KIAA0825: variants seen among roughly 807,000 people sequenced by gnomAD.
KIAA0825 encodes KIAA0825.
In KIAA0825, 119 loss-of-function variants were observed where a neutral mutation model predicts 147.6. That is an observed-to-expected ratio of 0.81 (90% CI 0.69 to 0.94). The LOEUF (loss-of-function observed/expected upper bound fraction) is 0.94. Ranked by LOEUF, KIAA0825 falls within the 40% of genes least tolerant of loss-of-function variation. The pLI, the probability that KIAA0825 is intolerant of heterozygous loss-of-function variation, is 0.00. For missense variants in KIAA0825, 1,381 were observed against 1,472.7 expected, an observed-to-expected ratio of 0.94 and a Z score of 1.02; for synonymous variants, 470 against 518.1, an observed-to-expected ratio of 0.91 and a Z score of 1.26.
At chr5:94,290,396 G>T (rs1011328003) in intron 20 of KIAA0825, among the ~76,000 whole-genome samples, 1 of 152,072 alleles carries the variant, frequency 6.6e-6, no homozygotes, top group Non-Finnish European at 1.5e-5. Context: ...TTGGTTTTCT[G>T]TTCCTGTGTT....
In KIAA0825 at chr5:94,542,986, T is replaced by C. The variant is rs570853377; in HGVS notation, c.-1-5859A>G. 2.6e-5 allele frequency among the ~76,000 whole-genome samples: 4 copies of C among 152,216 alleles called. No homozygotes were observed. The South Asian group carries it at 8.3e-4, about 32-fold the overall frequency. On this transcript the variant is annotated intron_variant, in intron 2 of 20. Transcript: ENST00000682413. The stretch of plus-strand genomic sequence containing the variant: ...TTTGGAGAACTGGCCTCATACCTTG[T>C]CTACACAGTCTCTGCACACAGTGTT...
At chr5:94,431,036 C>T (rs944868707) in intron 14 of KIAA0825, among the ~76,000 whole-genome samples, 2 of 152,050 alleles carry the variant, frequency 1.3e-5, no homozygotes, top group African/African-American at 4.8e-5. Flanking sequence ...TGTATGCTTA[C>T]GTGGAAGGGG....
At chr5:94,538,082 G>C (rs1772455979) in intron 2 of KIAA0825, among the ~76,000 whole-genome samples, 1 of 152,140 alleles carries the variant, frequency 6.6e-6, no homozygotes, top group Non-Finnish European at 1.5e-5. Context: ...TGTAGAGGCT[G>C]GGATATAGCT....
intron 20 of KIAA0825, among the ~76,000 whole-genome samples, chr5:94,307,253 C>G (rs894951750): frequency 1.3e-5 from 2 of 151,622 alleles, no homozygotes; most frequent in Non-Finnish European, 3.0e-5. Flanking sequence ...TTTAAAGTAC[C>G]GTATTTTTCT....
intron 2 of KIAA0825, among the ~76,000 whole-genome samples, chr5:94,539,564 C>T (rs997965612): frequency 2.6e-5 from 4 of 152,076 alleles, no homozygotes; most frequent in African/African-American, 7.2e-5. Context: ...AGGGATGATA[C>T]TGAAGAAACC....
intron 5 of KIAA0825, chr5:94,519,832 C>CAG: frequency 1.5e-6 from 1 of 674,114 alleles, no homozygotes; most frequent in Non-Finnish European, 1.8e-6. Flanking sequence ...ATGTATATAA[C>CAG]TAAATGTACA....
At chr5:94,423,401 TTATTTTA>T (rs1754448640) in intron 14 of KIAA0825, among the ~76,000 whole-genome samples, 3 of 152,182 alleles carry the variant, frequency 2.0e-5, no homozygotes, top group Non-Finnish European at 4.4e-5. Flanking sequence ...GTTGCATGCA[TTATTTTA>T]AACTCCTTTC....
At chr5:94,164,838 C>T (rs1767891979) in intron 20 of KIAA0825, among the ~76,000 whole-genome samples, 3 of 151,928 alleles carry the variant, frequency 2.0e-5, no homozygotes, top group Admixed American at 6.6e-5. Flanking sequence ...CCCCATCTCT[C>T]GCCATATAAA....
At chr5:94,501,669 C>A (rs1486072559) in intron 5 of KIAA0825, among the ~76,000 whole-genome samples, 1 of 152,148 alleles carries the variant, frequency 6.6e-6, no homozygotes, top group Admixed American at 6.5e-5. Flanking sequence ...CTTGATGAAT[C>A]TATCTAGATA....
At chr5:94,187,040 A>T (rs140516608) in intron 20 of KIAA0825, among the ~76,000 whole-genome samples, 24 of 152,310 alleles carry the variant, frequency 1.6e-4, no homozygotes, top group Non-Finnish European at 2.4e-4. Flanking sequence ...GAGCCGAAGA[A>T]TAAACTCCTG....
chr5:94,266,910 A>G (rs544107403), intron 20 of KIAA0825, among the ~76,000 whole-genome samples: 1 of 152,332 alleles, frequency 6.6e-6, no homozygotes, highest in Non-Finnish European at 1.5e-5. Flanking sequence ...TTAAGAATAT[A>G]TAAGAGTCCT....
chr5:94,167,332 A>G (rs1318760807), intron 20 of KIAA0825, among the ~76,000 whole-genome samples: 1 of 152,202 alleles, frequency 6.6e-6, no homozygotes, highest in Non-Finnish European at 1.5e-5. Flanking sequence ...CTTCTCAAAA[A>G]TAGAGTTGTT....
intron 20 of KIAA0825, among the ~76,000 whole-genome samples, chr5:94,194,404 G>A (rs1770941431): frequency 2.6e-5 from 4 of 152,086 alleles, no homozygotes; most frequent in Admixed American, 2.0e-4. Flanking sequence ...GGATCTCACT[G>A]AGTTTAACTA....
intron 7 of KIAA0825, 61 bp from the exon 8 acceptor site, chr5:94,473,580 G>C: frequency 9.9e-7 from 1 of 1,005,044 alleles, no homozygotes; most frequent in Non-Finnish European, 1.5e-6. Flanking sequence ...TGTTTCTATT[G>C]TTATAGATAT....
At chr5:94,266,274 TG>T (rs1776733558) in intron 20 of KIAA0825, among the ~76,000 whole-genome samples, 1 of 152,190 alleles carries the variant, frequency 6.6e-6, no homozygotes, top group Non-Finnish European at 1.5e-5. Flanking sequence ...ATGAGATCAG[TG>T]GTGAGATTAA....
intron 1 of KIAA0825, among the ~76,000 whole-genome samples, chr5:94,595,996 T>C (rs1266985472): frequency 1.3e-5 from 2 of 152,224 alleles, no homozygotes; most frequent in African/African-American, 4.8e-5. Flanking sequence ...CTGGACTTTA[T>C]TGCCAGATGT....
chr5:94,485,650 A>C (rs1280533894), intron 5 of KIAA0825, among the ~76,000 whole-genome samples: 1 of 151,812 alleles, frequency 6.6e-6, no homozygotes, highest in Non-Finnish European at 1.5e-5. Flanking sequence ...GAGAGAAAGC[A>C]AAAGTGGAAA....
At chr5:94,167,357 A>G (rs1420618800) in intron 20 of KIAA0825, among the ~76,000 whole-genome samples, 1 of 152,172 alleles carries the variant, frequency 6.6e-6, no homozygotes, top group Admixed American at 6.5e-5. Context: ...ATTTCTGTAT[A>G]GGTTGTAATT....
At chr5:94,329,893 G>A (rs1781091527) in intron 20 of KIAA0825, among the ~76,000 whole-genome samples, 1 of 151,700 alleles carries the variant, frequency 6.6e-6, no homozygotes, top group African/African-American at 2.4e-5. Context: ...ATCACACAGA[G>A]GTAAAGAGTA....
Sources: allele counts gnomAD v4.1 joint callset (sites outside exome capture counted in the v4.1 genomes callset), GRCh38; gene constraint gnomAD v4.1.1; transcripts MANE v1.5; gene names NCBI Gene and HGNC (gene_info 2026-07-23, HGNC 2026-07-21).